Variants in ACKR2 observed in about 807,000 individuals in gnomAD.
ACKR2 encodes C-C chemokine receptor D6.
For missense variants in ACKR2, 457 were observed against 477.3 expected, an observed-to-expected ratio of 0.96 and a Z score of 0.40; for synonymous variants, 207 against 192.2, an observed-to-expected ratio of 1.08 and a Z score of -0.64.
intron 2 of ACKR2, 148 bp from the exon 3 acceptor site, chr3:42,864,318 G>C (rs1423918825): frequency 9.5e-6 from 6 of 630,358 alleles, no homozygotes; most frequent in Non-Finnish European, 1.6e-5. Context: ...AAGTGGTGCA[G>C]ATGGCTCCCT....
intron 2 of ACKR2, among the ~76,000 whole-genome samples, chr3:42,825,602 CGTGT>C (rs994203107): frequency 9.6e-4 from 67 of 69,676 alleles, no homozygotes; most frequent in African/African-American, 2.7e-3. Context: ...TGTGTGTGTG[CGTGT>C]GTGTGTGTGT....
At chr3:42,816,925 T>A (rs1045531655) in intron 1 of ACKR2, among the ~76,000 whole-genome samples, 1 of 151,944 alleles carries the variant, frequency 6.6e-6, no homozygotes, top group African/African-American at 2.4e-5. Flanking sequence ...GAAAAAAAAA[T>A]TTGGTAGAGT....
intron 2 of ACKR2, among the ~76,000 whole-genome samples, chr3:42,859,884 T>C (rs1270271695): frequency 6.6e-6 from 1 of 151,824 alleles, no homozygotes; most frequent in African/African-American, 2.4e-5. Context: ...CACAAAAACA[T>C]ACCAAATTGT....
At position 42,865,915 on chromosome 3, in the gene ACKR2, CCTCT is replaced by C; in HGVS notation, c.*262_*265del. 1 of 408,524 alleles carries C rather than the reference CCTCT, an allele frequency of 2.4e-6. No homozygotes were observed. The highest frequency in any genetic ancestry group is 4.6e-5 in the East Asian group (1 of 21,944). The allele number at this position is 408,524 out of a possible 1,614,324, so 25.3% of individuals were successfully genotyped here. On this transcript the variant is annotated 3_prime_UTR_variant, in exon 3 of 3. Transcript: ENST00000422265. ...CCTTGCTTCCTTCCTTCCTTCCTTC[CCTCT>C]CTCCCTCCCTCCCTCCCTCGCTTCT...
intron 1 of ACKR2, among the ~76,000 whole-genome samples, chr3:42,815,440 A>G (rs987156505): frequency 6.6e-6 from 1 of 152,190 alleles, no homozygotes; most frequent in Non-Finnish European, 1.5e-5. Context: ...ATGTCAGAAA[A>G]TTGCCCTAAC....
chr3:42,821,808 T>G (rs1700811983), intron 2 of ACKR2, among the ~76,000 whole-genome samples: 2 of 152,184 alleles, frequency 1.3e-5, no homozygotes, highest in Non-Finnish European at 2.9e-5. Flanking sequence ...GCCATTCTCC[T>G]GCCTCAGCCT....
intron 2 of ACKR2, among the ~76,000 whole-genome samples, chr3:42,825,732 A>T (rs1417026794): frequency 2.6e-5 from 4 of 151,998 alleles, no homozygotes; most frequent in Admixed American, 2.6e-4. Context: ...TCTGACTAGA[A>T]ATGCCAGTAC....
intron 2 of ACKR2, among the ~76,000 whole-genome samples, chr3:42,829,369 G>A (rs1165520251): frequency 6.6e-6 from 1 of 152,150 alleles, no homozygotes; most frequent in Non-Finnish European, 1.5e-5. Context: ...TAGTGACAAA[G>A]GTAAACCATC....
intron 2 of ACKR2, among the ~76,000 whole-genome samples, chr3:42,844,616 C>T (rs910276290): frequency 1.5e-4 from 23 of 152,146 alleles, no homozygotes; most frequent in Admixed American, 6.5e-5. Context: ...CTCTGGTAGA[C>T]GAGGGCCACC....
At chr3:42,848,713 T>C (rs1344618064) in intron 2 of ACKR2, among the ~76,000 whole-genome samples, 3 of 152,202 alleles carry the variant, frequency 2.0e-5, no homozygotes, top group Admixed American at 6.5e-5. Context: ...AGTAGCAAGA[T>C]ACTTACTAAT....
chr3:42,821,538 G>C (rs772831736), intron 2 of ACKR2, among the ~76,000 whole-genome samples: 12 of 152,110 alleles, frequency 7.9e-5, no homozygotes, highest in Admixed American at 2.6e-4. Context: ...CTGAGGTTCC[G>C]TGTGGTTAGG....
intron 2 of ACKR2, among the ~76,000 whole-genome samples, chr3:42,844,923 T>C (rs1701077171): frequency 6.6e-6 from 1 of 152,090 alleles, no homozygotes; most frequent in South Asian, 2.1e-4. Flanking sequence ...CACTTAGACA[T>C]CAGCATCCTG....
chr3:42,815,332 C>G (rs913220646), intron 1 of ACKR2, among the ~76,000 whole-genome samples: 1 of 152,200 alleles, frequency 6.6e-6, no homozygotes, highest in Non-Finnish European at 1.5e-5. Context: ...AGTGTTATCT[C>G]TACTTCTTGA....
chr3:42,838,800 A>T (rs939000944), intron 2 of ACKR2, among the ~76,000 whole-genome samples: 1 of 152,200 alleles, frequency 6.6e-6, no homozygotes, highest in Non-Finnish European at 1.5e-5. Context: ...CTGGAGACAA[A>T]CCAAATGTCC....
At chr3:42,849,806 C>T (rs1701133613) in intron 2 of ACKR2, among the ~76,000 whole-genome samples, 1 of 152,138 alleles carries the variant, frequency 6.6e-6, no homozygotes, top group African/African-American at 2.4e-5. Context: ...AGTTTGGTTA[C>T]AGTTCATTAT....
chr3:42,846,313 A>C (rs1701096772), intron 2 of ACKR2, among the ~76,000 whole-genome samples: 1 of 152,200 alleles, frequency 6.6e-6, no homozygotes, highest in South Asian at 2.1e-4. Context: ...ACTGTTGATT[A>C]GCTGTCAGCT....
At position 42,865,131 on chromosome 3, in the gene ACKR2, T is replaced by A. The variant is rs773667338; in HGVS notation, c.629T>A (p.Leu210His). 1 of 1,614,072 alleles carries A rather than the reference T, an allele frequency of 6.2e-7. No individual in the cohort carries two copies. Among genetic ancestry groups the A allele is most frequent in the Non-Finnish European group, 8.5e-7 (1 of 1,179,986 alleles). ...GGHGTIWKLF[L>H]RFQQNLLGFL... ...CATGGGACCATTTGGAAGCTCTTCC[T>A]CCGCTTCCAGCAGAACCTCCTAGGG... Residue 210 changes from leucine to histidine, a missense_variant, in exon 3 of 3, where the codon CTC becomes CAC. Leu to His is a moderately conservative substitution (Grantham distance 99). Coordinates refer to ENST00000422265, the MANE Select transcript of ACKR2 (RefSeq NM_001296.5).
chr3:42,856,446 G>A (rs948304276), intron 2 of ACKR2: 4 of 700,144 alleles, frequency 5.7e-6, no homozygotes, highest in South Asian at 1.5e-5. Flanking sequence ...CTGAGGACCC[G>A]AGTCAACATT....
At chr3:42,853,051 A>C (rs565244124) in intron 2 of ACKR2, among the ~76,000 whole-genome samples, 1 of 152,184 alleles carries the variant, frequency 6.6e-6, no homozygotes, top group East Asian at 1.9e-4. Flanking sequence ...GGATAAAAAA[A>C]GGTATCTGGA....
Sources: gnomAD v4.1 joint callset for allele counts (sites outside exome capture counted in the v4.1 genomes callset) on GRCh38, gnomAD v4.1.1 for gene constraint, MANE v1.5 for transcripts, NCBI Gene and HGNC (gene_info 2026-07-23, HGNC 2026-07-21) for gene names.